Variants in CPXM2 observed in about 807,000 individuals in gnomAD.
CPXM2 encodes the protein carboxypeptidase X, M14 family member 2, also known as inactive carboxypeptidase-like protein X2.
Under a neutral mutation model 86.1 loss-of-function variants are expected in CPXM2, and 66 were observed. The ratio of observed to expected loss-of-function variants is 0.77; its 90% CI spans 0.63 to 0.94. CPXM2 has a LOEUF of 0.94. Among genes scored for constraint, CPXM2 ranks in the 40% least tolerant of loss-of-function variants. The pLI is 0.00. For missense variants in CPXM2, 948 were observed against 1,026.3 expected (o/e 0.92, Z 1.04); for synonymous variants, 388 against 400.2 (o/e 0.97, Z 0.36).
rs569656163 is a variant in CPXM2, at chr10:123,859,550, C to G, written c.513+3064G>C. On this transcript the variant is annotated intron_variant, in intron 3 of 13. Coordinates refer to ENST00000241305, the MANE Select transcript of CPXM2 (RefSeq NM_198148.3). Reference sequence around the variant, plus strand: ...ACACTGTCCTGTCTGGGGTTGACACCAGGTACCCGAGTAGGGTCAGAGCCA... The same window carrying G: ...ACACTGTCCTGTCTGGGGTTGACACGAGGTACCCGAGTAGGGTCAGAGCCA... Among the ~76,000 whole-genome samples, 15 of 152,318 alleles carry G rather than the reference C, an allele frequency of 9.8e-5. No individual in the cohort carries two copies. In the East Asian group the frequency reaches 2.9e-3, roughly 29 times the overall value.
Position 123,792,833 on chromosome 10 carries a change from C to T in CPXM2, c.889+5143G>A, listed in dbSNP as rs187100407. On this transcript the variant is annotated intron_variant, in intron 6 of 13. Coordinates refer to ENST00000241305, the MANE Select transcript of CPXM2 (RefSeq NM_198148.3). ...TTCTGCAATACTCATGCACACAAAT[C>T]GGCATCAGTGGAGACTGCTGTTCTA... 1.8e-3 allele frequency among the ~76,000 whole-genome samples: 280 copies of T among 152,284 alleles called. 1 individual carries two copies. Among genetic ancestry groups the T allele is most frequent in the Middle Eastern group, 0.014 (4 of 294 alleles).
At chr10:123,831,064 C>G (rs1848157240) in intron 4 of CPXM2, among the ~76,000 whole-genome samples, 1 of 152,086 alleles carries the variant, frequency 6.6e-6, no homozygotes, top group Non-Finnish European at 1.5e-5. Context: ...AGAATTCAGA[C>G]CACAGGAGGA....
At chr10:123,772,296 T>C (rs1332161167) in intron 7 of CPXM2, among the ~76,000 whole-genome samples, 7 of 152,068 alleles carry the variant, frequency 4.6e-5, no homozygotes, top group African/African-American at 1.7e-4. Flanking sequence ...CTCACCTCCC[T>C]GGTTGTAGTC....
At chr10:123,751,937 A>G in intron 13 of CPXM2, 1 of 985,244 alleles carries the variant, frequency 1.0e-6, no homozygotes, top group South Asian at 4.7e-5. Context: ...AGGGGCTTGA[A>G]ACTCAGCACC....
chr10:123,825,749 C>T (rs1225216262), intron 4 of CPXM2, among the ~76,000 whole-genome samples: 1 of 152,136 alleles, frequency 6.6e-6, no homozygotes, highest in Non-Finnish European at 1.5e-5. Flanking sequence ...CTTTAACTAC[C>T]TTAATATTTT....
At chr10:123,850,329 T>G (rs1402067970) in intron 3 of CPXM2, among the ~76,000 whole-genome samples, 8 of 152,216 alleles carry the variant, frequency 5.3e-5, no homozygotes, top group Admixed American at 2.0e-4. Context: ...ATAAATACAA[T>G]AGTCCCCCGT....
intron 2 of CPXM2, among the ~76,000 whole-genome samples, chr10:123,897,942 G>A (rs923919965): frequency 4.6e-5 from 7 of 152,264 alleles, no homozygotes; most frequent in East Asian, 1.9e-4. Context: ...GTCAAGGTAC[G>A]GGGCTCTCTG....
intron 4 of CPXM2, among the ~76,000 whole-genome samples, chr10:123,814,597 C>G (rs113301393): frequency 0.031 from 4,763 of 152,230 alleles, 251 homozygotes; most frequent in African/African-American, 0.1. Context: ...AGAATATTAA[C>G]GATGGAGTTC....
At chr10:123,866,670 G>A (rs1010085763) in intron 2 of CPXM2, among the ~76,000 whole-genome samples, 6 of 152,350 alleles carry the variant, frequency 3.9e-5, no homozygotes, top group Non-Finnish European at 7.3e-5. Flanking sequence ...TCAGGCAGGT[G>A]TGAACGCTGC....
chr10:123,912,277 C>CGTGTGTGT (rs1218416394), intron 2 of CPXM2, among the ~76,000 whole-genome samples: 1 of 102,478 alleles, frequency 9.8e-6, no homozygotes, highest in African/African-American at 3.8e-5. Flanking sequence ...ACTCCTAGTG[C>CGTGTGTGT]GTGTGTGTGT....
chr10:123,799,006 T>G (rs1480367283), intron 5 of CPXM2, 109 bp downstream of exon 5: 1 of 1,291,380 alleles, frequency 7.7e-7, no homozygotes, highest in Non-Finnish European at 1.1e-6. Context: ...TAGGTTTGAG[T>G]TGACAGAGAA....
intron 3 of CPXM2, among the ~76,000 whole-genome samples, chr10:123,843,838 A>C (rs905402335): frequency 6.6e-6 from 1 of 152,172 alleles, no homozygotes; most frequent in Non-Finnish European, 1.5e-5. Flanking sequence ...AGAAGAATAG[A>C]ACTGCCACAT....
At chr10:123,796,246 A>G (rs1040246368) in intron 6 of CPXM2, among the ~76,000 whole-genome samples, 7 of 152,224 alleles carry the variant, frequency 4.6e-5, no homozygotes, top group Admixed American at 1.3e-4. Flanking sequence ...CCTATTTATC[A>G]TAATCTAATT....
At position 123,771,011 on chromosome 10, in the gene CPXM2, G is replaced by A. The variant is rs952737994; in HGVS notation, c.1007C>T (p.Pro336Leu). ...AATGTTGTAAATTCTGGTGATATTG[G>A]GACACATTTCATTCACAACTTTCAT... ...QLMKVVNEMC[P>L]NITRIYNIGK... The change falls in exon 8 of 14, where the codon CCC becomes CTC. Residue 336 changes from proline (P) to leucine (L), a missense_variant. Transcript: ENST00000241305. 1 of 1,613,112 alleles carries A rather than the reference G, an allele frequency of 6.2e-7. No individual in the cohort carries two copies. The highest frequency in any genetic ancestry group is 8.5e-7 in the Non-Finnish European group (1 of 1,179,268).
At chr10:123,937,470 A>AAGACACACACAC (rs1945732509) in intron 2 of CPXM2, among the ~76,000 whole-genome samples, 1 of 132,590 alleles carries the variant, frequency 7.5e-6, no homozygotes, top group African/African-American at 2.8e-5. Flanking sequence ...ACAACAAAAC[A>AAGACACACACAC]ACACACACAC....
upstream of CPXM2, among the ~76,000 whole-genome samples, chr10:123,942,903 T>C (rs1033505042): frequency 2.0e-5 from 3 of 152,234 alleles, no homozygotes; most frequent in Admixed American, 6.5e-5. Context: ...TAATACCATA[T>C]TTTTACCTTA....
intron 1 of CPXM2, among the ~76,000 whole-genome samples, chr10:123,889,461 G>A (rs550573955): frequency 1.3e-5 from 2 of 151,882 alleles, no homozygotes; most frequent in South Asian, 4.2e-4. Flanking sequence ...GTTCCATGTG[G>A]TGGGGGGCGG....
chr10:123,843,930 A>G (rs530464001), intron 3 of CPXM2, among the ~76,000 whole-genome samples: 2 of 152,284 alleles, frequency 1.3e-5, no homozygotes, highest in African/African-American at 4.8e-5. Flanking sequence ...TTTGAAATTA[A>G]ATTTAAGGCT....
At chr10:123,879,058 G>A (rs79021783) in intron 2 of CPXM2, among the ~76,000 whole-genome samples, 161 of 152,308 alleles carry the variant, frequency 1.1e-3, no homozygotes, top group African/African-American at 3.4e-3. Context: ...TGGAGTGCAC[G>A]CCTGCCCACT....
Sources: gnomAD v4.1 joint callset for allele counts (sites outside exome capture counted in the v4.1 genomes callset) on GRCh38, gnomAD v4.1.1 for gene constraint, MANE v1.5 for transcripts, NCBI Gene and HGNC (gene_info 2026-07-23, HGNC 2026-07-21) for gene names.